The following GPR158 variants were observed in gnomAD, a reference collection of about 807,000 sequenced individuals.
The protein encoded by GPR158 is metabotropic glycine receptor.
In GPR158, 30 loss-of-function variants were observed where a neutral mutation model predicts 78.2. The observed-to-expected ratio is 0.38, with a 90% confidence interval of 0.29 to 0.52. GPR158 has a LOEUF of 0.52. Among genes scored for constraint, GPR158 ranks in the 20% least tolerant of loss-of-function variants. The pLI, the probability that GPR158 is intolerant of heterozygous loss-of-function variation, is 0.83. For missense variants in GPR158, 1,463 were observed against 1,523.5 expected (o/e 0.96, Z 0.66); for synonymous variants, 581 against 591.1 (o/e 0.98, Z 0.25).
intron 4 of GPR158, among the ~76,000 whole-genome samples, chr10:25,423,145 ATATATG>A (rs1401271782): frequency 2.1e-5 from 3 of 142,190 alleles, no homozygotes; most frequent in East Asian, 1.9e-4. Context: ...ACATATACAT[ATATATG>A]TATATGTATA....
At chr10:25,464,445 T>A (rs1196102260) in intron 4 of GPR158, among the ~76,000 whole-genome samples, 2 of 152,218 alleles carry the variant, frequency 1.3e-5, no homozygotes, top group East Asian at 3.9e-4. Flanking sequence ...AGTTTTCAAA[T>A]TCATCATCCT....
intron 2 of GPR158, among the ~76,000 whole-genome samples, chr10:25,391,580 T>A (rs934457306): frequency 6.6e-6 from 1 of 152,180 alleles, no homozygotes; most frequent in Non-Finnish European, 1.5e-5. Context: ...ATTTATCCCA[T>A]TTGGAATGGG....
rs556230566 is a variant in GPR158 at position 25,355,541 on chromosome 10, G to A, written c.1009-40370G>A. On this transcript the variant is annotated intron_variant, in intron 2 of 10. Transcript: ENST00000376351. ...CTGGCTCCTTTATCTGTTTGAGGAGGTCATGGTTCCCTGTTGGCTATTTGT... is the reference window on the plus strand; with the variant it reads ...CTGGCTCCTTTATCTGTTTGAGGAGATCATGGTTCCCTGTTGGCTATTTGT... 3.9e-5 allele frequency among the ~76,000 whole-genome samples: 6 copies of A among 152,154 alleles called. No homozygotes were observed. The South Asian group carries it at 1.2e-3, about 32-fold the overall frequency.
chr10:25,246,041 C>G (rs975921749), intron 2 of GPR158, among the ~76,000 whole-genome samples: 2 of 152,148 alleles, frequency 1.3e-5, no homozygotes, highest in African/African-American at 4.8e-5. Context: ...CCATGTCACC[C>G]CTTATGACAA....
intron 3 of GPR158, among the ~76,000 whole-genome samples, chr10:25,398,058 A>G (rs1834390398): frequency 6.6e-6 from 1 of 152,152 alleles, no homozygotes; most frequent in African/African-American, 2.4e-5. Context: ...GACTACTACA[A>G]TTGCAGGGAA....
intron 4 of GPR158, among the ~76,000 whole-genome samples, chr10:25,460,983 C>T (rs566472560): frequency 2.4e-4 from 37 of 152,204 alleles, no homozygotes; most frequent in African/African-American, 7.7e-4. Flanking sequence ...TGCCATGAAC[C>T]GCACCCACAT....
At chr10:25,435,189 G>GC (rs1408731438) in intron 4 of GPR158, among the ~76,000 whole-genome samples, 3 of 152,140 alleles carry the variant, frequency 2.0e-5, no homozygotes, top group Admixed American at 6.5e-5. Context: ...AACAAAACAG[G>GC]CATCCTCTGT....
intron 6 of GPR158, among the ~76,000 whole-genome samples, chr10:25,553,290 T>A (rs1318886660): frequency 6.6e-6 from 1 of 152,160 alleles, no homozygotes; most frequent in Non-Finnish European, 1.5e-5. Flanking sequence ...TCTTTTATTT[T>A]AAAAAATGAA....
intron 2 of GPR158, among the ~76,000 whole-genome samples, chr10:25,260,168 T>TTTTG (rs1226527624): frequency 3.9e-5 from 6 of 152,186 alleles, no homozygotes; most frequent in Admixed American, 1.3e-4. Flanking sequence ...CGATAGATTT[T>TTTTG]TTTGTTTGTT....
chr10:25,544,155 T>C (rs1261037010), intron 5 of GPR158, among the ~76,000 whole-genome samples: 2 of 152,220 alleles, frequency 1.3e-5, no homozygotes, highest in Non-Finnish European at 1.5e-5. Flanking sequence ...CCAGCAATTA[T>C]GCAAGCTCTT....
At chr10:25,260,967 A>G (rs1853960835) in intron 2 of GPR158, among the ~76,000 whole-genome samples, 1 of 152,136 alleles carries the variant, frequency 6.6e-6, no homozygotes, top group South Asian at 2.1e-4. Context: ...AGATTGTGTG[A>G]ACATCTATTC....
At chr10:25,291,051 T>C (rs957082388) in intron 2 of GPR158, among the ~76,000 whole-genome samples, 16 of 152,078 alleles carry the variant, frequency 1.1e-4, no homozygotes, top group South Asian at 2.1e-4. Flanking sequence ...GCAGCCATAT[T>C]TTTAACATAC....
intron 2 of GPR158, among the ~76,000 whole-genome samples, chr10:25,322,303 C>A (rs1025041773): frequency 3.3e-5 from 5 of 152,000 alleles, no homozygotes; most frequent in African/African-American, 4.8e-5. Context: ...ATGGCGTGAA[C>A]CCGGGAGGCG....
At chr10:25,418,012 T>C (rs1588853143) in intron 4 of GPR158, among the ~76,000 whole-genome samples, 2 of 152,302 alleles carry the variant, frequency 1.3e-5, no homozygotes, top group East Asian at 3.9e-4. Context: ...AGAGTAGCTC[T>C]GTGAATTGAC....
At chr10:25,394,438 A>G (rs1273008851) in intron 2 of GPR158, among the ~76,000 whole-genome samples, 2 of 152,234 alleles carry the variant, frequency 1.3e-5, no homozygotes, top group African/African-American at 4.8e-5. Context: ...TTTTATTTAC[A>G]TAGTTTAGAA....
At chr10:25,369,561 T>A (rs904471234) in intron 2 of GPR158, among the ~76,000 whole-genome samples, 7 of 149,476 alleles carry the variant, frequency 4.7e-5, no homozygotes, top group Non-Finnish European at 1.0e-4. Flanking sequence ...GCTGCTGGAT[T>A]CGGTTTGCCA....
intron 2 of GPR158, among the ~76,000 whole-genome samples, chr10:25,238,243 A>C (rs1853554241): frequency 6.6e-6 from 1 of 151,132 alleles, no homozygotes; most frequent in Non-Finnish European, 1.5e-5. Flanking sequence ...CTCCACACTC[A>C]CTCCCACCTC....
rs1232509469 is a variant in GPR158, at chr10:25,412,414, C to G, written c.1276C>G (p.Leu426Val). Residue 426 changes from leucine to valine, a missense_variant, in exon 4 of 11, where the codon CTG becomes GTG. Physicochemically the swap from Leu to Val is conservative, Grantham distance 32. Coordinates refer to ENST00000376351, the MANE Select transcript of GPR158 (RefSeq NM_020752.3). Reference protein sequence around the residue: ...LRLAIISFQALCMLLDFVSML... With the variant: ...LRLAIISFQAVCMLLDFVSML... ...ACTTGCCATCATCTCCTTCCAAGCCCTGTGTATGCTGCTCGACTTCGTTAG... is the reference window on the plus strand; with the variant it reads ...ACTTGCCATCATCTCCTTCCAAGCCGTGTGTATGCTGCTCGACTTCGTTAG... 7 of 1,613,956 alleles carry G rather than the reference C, an allele frequency of 4.3e-6. No homozygotes were observed. The highest frequency in any genetic ancestry group is 5.9e-6 in the Non-Finnish European group (7 of 1,179,920).
chr10:25,372,380 A>G (rs1172405774), intron 2 of GPR158, among the ~76,000 whole-genome samples: 1 of 150,992 alleles, frequency 6.6e-6, no homozygotes, highest in African/African-American at 2.4e-5. Context: ...AGGGCTGTAA[A>G]TCATGCTGCT....
Sources: allele counts gnomAD v4.1 joint callset (sites outside exome capture counted in the v4.1 genomes callset), GRCh38; gene constraint gnomAD v4.1.1; transcripts MANE v1.5; gene names NCBI Gene and HGNC (gene_info 2026-07-23, HGNC 2026-07-21).